CDH13: variants seen among roughly 807,000 people sequenced by gnomAD.
CDH13 encodes the protein cadherin-13.
A neutral mutation model predicts 63.8 loss-of-function variants in CDH13; 24 were observed. That is an observed-to-expected ratio of 0.38 (90% confidence interval 0.27 to 0.53). The LOEUF (loss-of-function observed/expected upper bound fraction) is 0.53. Ranked by LOEUF, CDH13 falls within the 20% of genes least tolerant of loss-of-function variation. The probability of loss-of-function intolerance (pLI) is 0.85; values close to 1 mark genes in which losing one functional copy is unlikely to be tolerated. For missense variants in CDH13, 1,049 were observed against 903.1 expected, an observed-to-expected ratio of 1.16 and a Z score of -2.07; for synonymous variants, 503 against 355.3, an observed-to-expected ratio of 1.42 and a Z score of -4.67.
chr16:82,897,184 T>C (rs1429109463), intron 2 of CDH13, among the ~76,000 whole-genome samples: 2 of 152,128 alleles, frequency 1.3e-5, no homozygotes, highest in East Asian at 1.9e-4. Flanking sequence ...GGGTTTGCCT[T>C]AGCATAGCTT....
chr16:83,681,834 C>T (rs1038336609), intron 10 of CDH13, among the ~76,000 whole-genome samples: 9 of 152,270 alleles, frequency 5.9e-5, no homozygotes, highest in African/African-American at 1.7e-4. Flanking sequence ...TAATCATCTG[C>T]GCTGGGCTAC....
chr16:83,696,830 G>A (rs1003561939), intron 10 of CDH13, among the ~76,000 whole-genome samples: 9 of 152,064 alleles, frequency 5.9e-5, no homozygotes, highest in Non-Finnish European at 8.8e-5. Flanking sequence ...TCCACATCGC[G>A]GTGATCCTCT....
chr16:83,086,131 C>G (rs554239737), intron 3 of CDH13, among the ~76,000 whole-genome samples: 1 of 152,122 alleles, frequency 6.6e-6, no homozygotes, highest in East Asian at 1.9e-4. Context: ...TAATGAAATA[C>G]CAAACTCAGA....
intron 1 of CDH13, among the ~76,000 whole-genome samples, chr16:82,680,721 A>T (rs1270077562): frequency 6.6e-6 from 1 of 152,122 alleles, no homozygotes; most frequent in Non-Finnish European, 1.5e-5. Flanking sequence ...TCTGGGGAAA[A>T]CTAACGAAGG....
chr16:83,482,987 G>A (rs186515246), intron 6 of CDH13, among the ~76,000 whole-genome samples: 2 of 152,284 alleles, frequency 1.3e-5, no homozygotes, highest in Admixed American at 6.5e-5. Flanking sequence ...CTTCCTCTCT[G>A]AACACTAATG....
intron 6 of CDH13, among the ~76,000 whole-genome samples, chr16:83,413,705 C>A (rs1026268612): frequency 1.3e-5 from 2 of 152,158 alleles, no homozygotes; most frequent in African/African-American, 4.8e-5. Context: ...ATGCTGCTGT[C>A]TGCAGTGCAC....
chr16:83,057,507 T>C (rs2031069359), intron 3 of CDH13, among the ~76,000 whole-genome samples: 1 of 152,096 alleles, frequency 6.6e-6, no homozygotes, highest in South Asian at 2.1e-4. Context: ...AAGTTAAAAG[T>C]AAGTTTTTTT....
intron 10 of CDH13, among the ~76,000 whole-genome samples, chr16:83,718,749 C>T (rs1249768231): frequency 1.3e-5 from 2 of 152,186 alleles, no homozygotes; most frequent in Non-Finnish European, 2.9e-5. Flanking sequence ...GTCTTATCAG[C>T]CCCTAGCTTC....
chr16:83,239,002 C>A (rs567302265), intron 5 of CDH13, among the ~76,000 whole-genome samples: 2 of 152,178 alleles, frequency 1.3e-5, no homozygotes, highest in African/African-American at 4.8e-5. Context: ...TTGCAAAGTG[C>A]CTTGCATGTG....
intron 5 of CDH13, among the ~76,000 whole-genome samples, chr16:83,268,608 C>T (rs943384577): frequency 3.9e-5 from 6 of 152,134 alleles, no homozygotes. Flanking sequence ...TTTGACAGCA[C>T]AAGTGACATG....
At chr16:83,669,144 T>A (rs1345375020) in intron 8 of CDH13, among the ~76,000 whole-genome samples, 1 of 152,334 alleles carries the variant, frequency 6.6e-6, no homozygotes, top group East Asian at 1.9e-4. Flanking sequence ...TGATGCCTGA[T>A]TCTGCCACTT....
At chr16:83,676,499 C>T (rs376784780) in intron 9 of CDH13, among the ~76,000 whole-genome samples, 1 of 152,194 alleles carries the variant, frequency 6.6e-6, no homozygotes, top group Non-Finnish European at 1.5e-5. Flanking sequence ...TTGAGGTTTA[C>T]TTTACCGAAG....
chr16:83,759,272 A>T (rs572394023), intron 11 of CDH13, among the ~76,000 whole-genome samples: 2 of 152,212 alleles, frequency 1.3e-5, no homozygotes, highest in African/African-American at 4.8e-5. Context: ...AACAAGGAAA[A>T]CACAACACAG....
intron 1 of CDH13, among the ~76,000 whole-genome samples, chr16:82,794,607 G>A (rs1351986972): frequency 6.6e-6 from 1 of 151,938 alleles, no homozygotes; most frequent in Non-Finnish European, 1.5e-5. Flanking sequence ...TGACGACAAC[G>A]GAATCCAATC....
chr16:83,738,560 G>A (rs1320759818), intron 10 of CDH13, among the ~76,000 whole-genome samples: 1 of 152,192 alleles, frequency 6.6e-6, no homozygotes, highest in African/African-American at 2.4e-5. Flanking sequence ...ACAAGAGCAT[G>A]TTTTCTTGTG....
chr16:83,549,084 A>T (rs1051634087), intron 7 of CDH13, among the ~76,000 whole-genome samples: 1 of 152,164 alleles, frequency 6.6e-6, no homozygotes, highest in African/African-American at 2.4e-5. Context: ...TCAGAGGAGC[A>T]GGAAGAGACC....
chr16:82,988,325 G>A (rs966688509), intron 2 of CDH13, among the ~76,000 whole-genome samples: 1 of 151,802 alleles, frequency 6.6e-6, no homozygotes, highest in African/African-American at 2.4e-5. Context: ...AATGTTTTTT[G>A]TTTTTTTTCT....
At chr16:82,843,995 T>C (rs529225519) in intron 1 of CDH13, among the ~76,000 whole-genome samples, 21 of 152,220 alleles carry the variant, frequency 1.4e-4, no homozygotes, top group South Asian at 1.0e-3. Context: ...GCTGTACTTA[T>C]AGAACTTTCC....
intron 1 of CDH13, among the ~76,000 whole-genome samples, chr16:82,680,181 A>G (rs1914393086): frequency 6.6e-6 from 1 of 152,210 alleles, no homozygotes; most frequent in Non-Finnish European, 1.5e-5. Flanking sequence ...CAGTGCCATG[A>G]GCAGCTGATA....
Sources: allele counts gnomAD v4.1 joint callset (sites outside exome capture counted in the v4.1 genomes callset), GRCh38; gene constraint gnomAD v4.1.1; transcripts MANE v1.5; gene names NCBI Gene and HGNC (gene_info 2026-07-23, HGNC 2026-07-21).